The following CCDC196 variants were observed in gnomAD, a reference collection of about 807,000 sequenced individuals.
CCDC196 encodes coiled-coil domain-containing protein 196.
intron 3 of CCDC196, among the ~76,000 whole-genome samples, chr14:66,488,639 G>A: frequency 6.6e-6 from 1 of 152,038 alleles, no homozygotes; most frequent in East Asian, 1.9e-4. Flanking sequence ...CTTTCAATCA[G>A]CAATGTAAAG....
intron 5 of CCDC196, 95 bp from the exon 6 acceptor site, chr14:66,490,926 T>G (rs1171887516): frequency 2.4e-6 from 1 of 412,226 alleles, no homozygotes; most frequent in Non-Finnish European, 4.4e-6. Context: ...AGGTAGGATC[T>G]GGGTTTTTAG....
chr14:66,496,113 C>A, intron 8 of CCDC196: 1 of 355,252 alleles, frequency 2.8e-6, no homozygotes, highest in South Asian at 2.2e-5. Context: ...TGTTACAGGA[C>A]AGCGTTTCTT....
intron 4 of CCDC196, 44 bp downstream of exon 4, chr14:66,489,081 C>G: frequency 2.4e-6 from 1 of 413,106 alleles, no homozygotes. Context: ...CTACAGATCA[C>G]AACGCAAAGA....
At chr14:66,495,500 A>G (rs2057641178) in intron 8 of CCDC196, among the ~76,000 whole-genome samples, 1 of 152,226 alleles carries the variant, frequency 6.6e-6, no homozygotes, top group Non-Finnish European at 1.5e-5. Flanking sequence ...CTATGCTACA[A>G]AATGGATGTG....
chr14:66,494,158 C>A (rs542974068), intron 8 of CCDC196, among the ~76,000 whole-genome samples: 2 of 152,200 alleles, frequency 1.3e-5, no homozygotes, highest in Non-Finnish European at 2.9e-5. Flanking sequence ...TACTATACGG[C>A]TTAGTTACCA....
At chr14:66,488,030 G>A (rs2057449561) in intron 2 of CCDC196, 130 bp from the exon 3 acceptor site, 1 of 396,896 alleles carries the variant, frequency 2.5e-6, no homozygotes, top group African/African-American at 2.1e-5. Flanking sequence ...TGACCAGAAG[G>A]GCTTCCATAA....
chr14:66,494,196 T>A (rs1244029342), intron 8 of CCDC196, among the ~76,000 whole-genome samples: 1 of 152,202 alleles, frequency 6.6e-6, no homozygotes, highest in African/African-American at 2.4e-5. Context: ...AGGCAATGGA[T>A]CAATGTGTTA....
At position 66,498,176 on chromosome 14, in the gene CCDC196, T is replaced by C. The variant is rs181985371; in HGVS notation, c.774+9T>C. 2.7e-5 allele frequency: 11 copies of C among 412,932 alleles called. No homozygotes were observed. The highest frequency in any genetic ancestry group is 7.1e-5 in the East Asian group (2 of 28,054). The allele number at this position is 412,932 out of a possible 1,614,324, so 25.6% of individuals were successfully genotyped here. On this transcript the variant is annotated intron_variant, in intron 9 of 9. Transcript: ENST00000636229. ...GAAATGAACACCATGTGGTGAGAAC[T>C]ACTTTCTTTAAACAAACAAAAAATC... is the stretch of plus-strand genomic sequence containing the variant.
In CCDC196 at chr14:66,486,655, A is replaced by G; in HGVS notation, c.51-2A>G. On this transcript the variant is annotated splice_acceptor_variant, in intron 1 of 9. Coordinates refer to ENST00000636229, the MANE Select transcript of CCDC196 (RefSeq NM_001351576.1). LOFTEE classifies it high-confidence loss of function. ...CAGATATTATTGTGCCTCTTCCCACAGAAGTTCTAAAATAGATGACAACTA... is the reference window on the plus strand; with the variant it reads ...CAGATATTATTGTGCCTCTTCCCACGGAAGTTCTAAAATAGATGACAACTA... 1 of 413,532 alleles carries G rather than the reference A, an allele frequency of 2.4e-6. No individual in the cohort carries two copies. Among genetic ancestry groups the G allele is most frequent in the Non-Finnish European group, 4.4e-6 (1 of 226,138 alleles). 25.6% of individuals were successfully genotyped at this position (413,532 alleles called of 1,614,324 possible).
At chr14:66,491,981 G>A (rs1729890402) in intron 7 of CCDC196, 72 bp from the exon 8 acceptor site, 1 of 410,758 alleles carries the variant, frequency 2.4e-6, no homozygotes. Flanking sequence ...TCTGGGTAAA[G>A]AGGATTCAGG....
intron 3 of CCDC196, 33 bp from the exon 4 acceptor site, chr14:66,488,954 C>T (rs145339977): frequency 1.1e-3 from 447 of 413,172 alleles, no homozygotes; most frequent in Non-Finnish European, 1.4e-3. Flanking sequence ...CAAATACATG[C>T]TTCTGTTTGT....
chr14:66,496,161 G>A (rs2057660919), intron 8 of CCDC196: 1 of 427,710 alleles, frequency 2.3e-6, no homozygotes, highest in Admixed American at 2.5e-5. Context: ...GCACAAACCT[G>A]TCTTAGAGAA....
chr14:66,486,743 C>T lies in CCDC196; in HGVS notation c.137C>T (p.Pro46Leu), dbSNP rs1237070077. Residue 46 changes from proline to leucine, a missense_variant, in exon 2 of 10, where the codon CCT (proline) becomes CTT (leucine). Physicochemically the swap from Pro to Leu is moderately conservative, Grantham distance 98. Coordinates refer to ENST00000636229, the MANE Select transcript of CCDC196 (RefSeq NM_001351576.1). ...CAGGAACTGCTAGAGATGCTCAAACCTCTAGAAGATAAAAACAACCTCTTA... is the reference window on the plus strand; with the variant it reads ...CAGGAACTGCTAGAGATGCTCAAACTTCTAGAAGATAAAAACAACCTCTTA... ...RKQELLEMLK[P>L]LEDKNNLLFQ... The T allele has an allele frequency of 2.4e-6, 1 of 413,282 alleles. No homozygotes were observed. The highest frequency in any genetic ancestry group is 2.1e-5 in the African/African-American group (1 of 48,620). 25.6% of individuals were successfully genotyped at this position (413,282 alleles called of 1,614,324 possible).
intron 8 of CCDC196, chr14:66,496,191 G>A: frequency 2.2e-6 from 1 of 450,024 alleles, no homozygotes; most frequent in South Asian, 1.6e-5. Flanking sequence ...TATAATTTTG[G>A]ACACACCTCT....
rs1159590224 is a variant in CCDC196, at chr14:66,486,860, A to G, written c.203+51A>G. ...AGAGGTAAAAAGGCTGGAGAACTTG[A>G]TCTCCAAAGGACTGGCAATAATTAC... is the stretch of plus-strand genomic sequence containing the variant. On this transcript the variant is annotated intron_variant, in intron 2 of 9. Coordinates refer to ENST00000636229, the MANE Select transcript of CCDC196 (RefSeq NM_001351576.1). The G allele has an allele frequency of 8.5e-5, 35 of 411,840 alleles. No individual in the cohort carries two copies. In the East Asian group the frequency reaches 1.2e-3, roughly 14 times the overall value. 25.5% of individuals were successfully genotyped at this position (411,840 alleles called of 1,614,324 possible). A position where few individuals can be genotyped will look rare whatever the true frequency, so the allele number is the denominator to read the frequency against.
intron 4 of CCDC196, among the ~76,000 whole-genome samples, chr14:66,489,360 C>G (rs1031893663): frequency 6.6e-6 from 1 of 152,132 alleles, no homozygotes; most frequent in Non-Finnish European, 1.5e-5. Context: ...ACATGCCAAG[C>G]TTTTTCCTAT....
chr14:66,495,550 C>T (rs959534337), intron 8 of CCDC196: 1 of 152,164 alleles, frequency 6.6e-6, no homozygotes, highest in Non-Finnish European at 1.5e-5. Context: ...TAGATCTAAA[C>T]GCTATAATTT....
chr14:66,489,773 T>C (rs2057494910), intron 4 of CCDC196, among the ~76,000 whole-genome samples: 2 of 152,138 alleles, frequency 1.3e-5, no homozygotes, highest in African/African-American at 2.4e-5. Flanking sequence ...TCCAATACCC[T>C]TATAATTTTA....
Position 66,490,788 on chromosome 14 carries a change from C to T in CCDC196, c.398C>T (p.Thr133Ile), listed in dbSNP as rs181275394. Reference protein sequence around the residue: ...ELSDQQKAPQTKNKADLQDGK... With the variant: ...ELSDQQKAPQIKNKADLQDGK... ...AGTGATCAACAAAAAGCACCACAGA[C>T]AAAAAACAAGGCAGACTTGCAGGAT... The change falls in exon 5 of 10, where the codon ACA becomes ATA. Residue 133 changes from threonine (T) to isoleucine (I), a missense_variant. Physicochemically the swap from Thr to Ile is moderately conservative, Grantham distance 89. Coordinates refer to ENST00000636229, the MANE Select transcript of CCDC196 (RefSeq NM_001351576.1). 79 of 399,556 alleles carry T rather than the reference C, an allele frequency of 2.0e-4. No individual in the cohort carries two copies. Among genetic ancestry groups the T allele is most frequent in the African/African-American group, 1.2e-3 (59 of 48,722 alleles). The allele number at this position is 399,556 out of a possible 1,614,324, so 24.8% of individuals were successfully genotyped here.
Sources: gnomAD v4.1 joint callset for allele counts (sites outside exome capture counted in the v4.1 genomes callset) on GRCh38, gnomAD v4.1.1 for gene constraint, MANE v1.5 for transcripts, NCBI Gene and HGNC (gene_info 2026-07-23, HGNC 2026-07-21) for gene names.